Variants in CCNYL1 observed in about 807,000 individuals in gnomAD.
CCNYL1 encodes cyclin Y like 1, also known as cyclin-Y-like protein 1.
In CCNYL1, 16 loss-of-function variants were observed where a neutral mutation model predicts 44.2. The ratio of observed to expected loss-of-function variants is 0.36; its 90% CI spans 0.25 to 0.55. The LOEUF (loss-of-function observed/expected upper bound fraction) is 0.55, where lower values mean the gene tolerates loss of function less well. CCNYL1 is among the 20% of genes least tolerant of loss of function. The probability of loss-of-function intolerance (pLI) is 0.85; values close to 1 mark genes in which losing one functional copy is unlikely to be tolerated. For missense variants in CCNYL1, 348 were observed against 451.8 expected (o/e 0.77, Z 2.08); for synonymous variants, 159 against 163.2 (o/e 0.97, Z 0.20).
chr2:207,729,162 C>G (rs1313631113), intron 3 of CCNYL1, among the ~76,000 whole-genome samples: 4 of 151,164 alleles, frequency 2.6e-5, no homozygotes, highest in Non-Finnish European at 5.9e-5. Context: ...ATTTTGTTTT[C>G]TTTGTTCCTT....
At chr2:207,722,044 TATC>T (rs948670966) in intron 1 of CCNYL1, among the ~76,000 whole-genome samples, 2 of 151,712 alleles carry the variant, frequency 1.3e-5, no homozygotes, top group African/African-American at 2.4e-5. Context: ...CTCTATATCT[TATC>T]ATTTCTGTTA....
intron 1 of CCNYL1, among the ~76,000 whole-genome samples, chr2:207,712,482 A>G (rs1223735668): frequency 1.3e-5 from 2 of 152,152 alleles, no homozygotes; most frequent in Admixed American, 6.5e-5. Flanking sequence ...AAATACCTCA[A>G]CTTCGGAGTA....
chr2:207,742,612 A>T (rs1477419573), intron 7 of CCNYL1, among the ~76,000 whole-genome samples: 1 of 152,178 alleles, frequency 6.6e-6, no homozygotes, highest in East Asian at 1.9e-4. Context: ...ACATGTACAC[A>T]TTCAGTGTGT....
intron 7 of CCNYL1, among the ~76,000 whole-genome samples, chr2:207,743,830 G>GT (rs1277447142): frequency 1.5e-5 from 2 of 137,876 alleles, no homozygotes; most frequent in Non-Finnish European, 3.0e-5. Context: ...TTTTGTTTTT[G>GT]TTTTGTTTTG....
At position 207,746,717 on chromosome 2, in the gene CCNYL1, C is replaced by T. The variant is rs141947319; in HGVS notation, c.640-330C>T. Among the ~76,000 whole-genome samples, 684 of 152,342 alleles carry T rather than the reference C, an allele frequency of 4.5e-3. 2 individuals are homozygous for T. The highest frequency in any genetic ancestry group is 0.015 in the African/African-American group (617 of 41,576). ...TTTCGGGGCCGGGCGCGGTGGCTTA[C>T]GCCTGTAATCCCAACATTTTGGGAG... On this transcript the variant is annotated intron_variant, in intron 7 of 9. Transcript: ENST00000295414.
chr2:207,712,653 T>A (rs1194462291), intron 1 of CCNYL1, among the ~76,000 whole-genome samples: 2 of 152,072 alleles, frequency 1.3e-5, no homozygotes, highest in Non-Finnish European at 2.9e-5. Flanking sequence ...AAAATAGAGG[T>A]TGCCATAGGA....
At chr2:207,733,832 T>C in intron 3 of CCNYL1, 115 bp from the exon 4 acceptor site, 1 of 667,040 alleles carries the variant, frequency 1.5e-6, no homozygotes. Context: ...AGGCAGTTCA[T>C]GGAGTGTAAG....
intron 1 of CCNYL1, among the ~76,000 whole-genome samples, chr2:207,724,488 A>G (rs912603534): frequency 3.3e-5 from 5 of 152,198 alleles, no homozygotes; most frequent in Admixed American, 2.0e-4. Context: ...GAGTGTGGTT[A>G]TATTTCTATT....
Position 207,753,650 on chromosome 2 carries a change from T to G in CCNYL1, c.1032T>G (p.Ser344Arg), listed in dbSNP as rs1188579434. The change falls in exon 10 of 10, where the codon AGT (serine) becomes AGG (arginine). Residue 344 changes from serine (S) to arginine (R), a missense_variant. By Grantham distance (110) the Ser-to-Arg change is moderately radical (BLOSUM62 -1). Around this residue, in one of 3 missense-constraint regions of CCNYL1, gnomAD observed 94 missense variants for 102.4 expected, o/e 0.92. Transcript: ENST00000295414. ...LCRAAMRRSF[S>R]ADNFIGIQRS... ...GAGCCGCTATGAGAAGGTCTTTCAG[T>G]GCTGATAACTTCATTGGTATTCAGC... 1 of 1,612,332 alleles carries G rather than the reference T, an allele frequency of 6.2e-7. No homozygotes were observed.
At chr2:207,719,823 G>A (rs921169631) in intron 1 of CCNYL1, among the ~76,000 whole-genome samples, 3 of 151,558 alleles carry the variant, frequency 2.0e-5, no homozygotes, top group African/African-American at 7.3e-5. Flanking sequence ...CCACTTCCTG[G>A]GCTCAAGTGA....
intron 4 of CCNYL1, among the ~76,000 whole-genome samples, chr2:207,735,843 G>A (rs963108900): frequency 1.3e-4 from 20 of 151,576 alleles, no homozygotes; most frequent in Admixed American, 1.3e-3. Context: ...CAGCCTGGGC[G>A]ACAGAGCAAG....
At chr2:207,717,135 T>G (rs1220107208) in intron 1 of CCNYL1, among the ~76,000 whole-genome samples, 1 of 151,786 alleles carries the variant, frequency 6.6e-6, no homozygotes, top group East Asian at 1.9e-4. Flanking sequence ...AAAGTTCTTA[T>G]GTCAAATTGG....
At chr2:207,714,990 C>T (rs1288967992) in intron 1 of CCNYL1, among the ~76,000 whole-genome samples, 2 of 152,184 alleles carry the variant, frequency 1.3e-5, no homozygotes, top group Non-Finnish European at 2.9e-5. Context: ...AAACATTTGG[C>T]TGGGCATGGT....
At chr2:207,719,072 G>T (rs2091620201) in intron 1 of CCNYL1, among the ~76,000 whole-genome samples, 1 of 151,668 alleles carries the variant, frequency 6.6e-6, no homozygotes, top group Non-Finnish European at 1.5e-5. Context: ...GTACAGTAAT[G>T]TATGAAATAA....
intron 1 of CCNYL1, among the ~76,000 whole-genome samples, chr2:207,715,379 C>CTTTTTTTTTTTTT (rs770646092): frequency 2.0e-5 from 2 of 100,754 alleles, no homozygotes; most frequent in Non-Finnish European, 3.7e-5. Flanking sequence ...CAAGCTATTT[C>CTTTTTTTTTTTTT]TTTTTTTTTT....
chr2:207,715,007 C>T (rs1042129683), intron 1 of CCNYL1, among the ~76,000 whole-genome samples: 9 of 152,178 alleles, frequency 5.9e-5, no homozygotes, highest in South Asian at 2.1e-4. Flanking sequence ...TGGTGGCTCA[C>T]GCCTGTAATC....
At chr2:207,752,340 A>C (rs2091899526) in intron 9 of CCNYL1, among the ~76,000 whole-genome samples, 1 of 151,782 alleles carries the variant, frequency 6.6e-6, no homozygotes, top group African/African-American at 2.4e-5. Flanking sequence ...TCAGGACTTC[A>C]AGACCAGCCT....
In CCNYL1 at chr2:207,747,226, G is replaced by T; in HGVS notation, c.806+13G>T. On this transcript the variant is annotated intron_variant, in intron 8 of 9. Transcript: ENST00000295414. ...CAGTTGAGGACATGTGAGTTTGTAAGGTTTTGGTGAACTTTCTAACCATTT... is the reference window on the plus strand; with the variant it reads ...CAGTTGAGGACATGTGAGTTTGTAATGTTTTGGTGAACTTTCTAACCATTT... 1 of 1,588,184 alleles carries T rather than the reference G, an allele frequency of 6.3e-7. No homozygotes were observed. The highest frequency in any genetic ancestry group is 8.6e-7 in the Non-Finnish European group (1 of 1,162,702).
intron 3 of CCNYL1, among the ~76,000 whole-genome samples, chr2:207,731,481 A>G (rs2091725612): frequency 6.6e-6 from 1 of 152,204 alleles, no homozygotes; most frequent in African/African-American, 2.4e-5. Context: ...CTGAAATGAC[A>G]TCTGTGAACT....
Sources: gnomAD v4.1 joint callset for allele counts (sites outside exome capture counted in the v4.1 genomes callset) on GRCh38, gnomAD v4.1.1 for gene constraint, gnomAD v4.1.1 regional missense constraint, MANE v1.5 for transcripts, NCBI Gene and HGNC (gene_info 2026-07-23, HGNC 2026-07-21) for gene names.